The following SCIN variants were observed in gnomAD, a reference collection of about 807,000 sequenced individuals.
SCIN encodes adseverin.
SCIN carries 91 observed loss-of-function variants against 91.8 expected under a neutral mutation model. The observed-to-expected ratio is 0.99, with a 90% confidence interval of 0.84 to 1.18. The LOEUF (loss-of-function observed/expected upper bound fraction) is 1.18. Ranked by LOEUF, SCIN falls within the 50% of genes most tolerant of loss-of-function variation. The pLI is 0.00. For synonymous variants in SCIN, 367 were observed against 312.6 expected (o/e 1.17, Z -1.84); for missense variants, 1,087 against 863.9 (o/e 1.26, Z -3.24).
Position 12,642,229 on chromosome 7 carries a change from C to T in SCIN, c.1581+1712C>T, listed in dbSNP as rs768336999. 2.8e-4 allele frequency among the ~76,000 whole-genome samples: 42 copies of T among 152,150 alleles called. 1 individual carries two copies. In the Middle Eastern group the frequency reaches 0.014, roughly 49 times the overall value. On this transcript the variant is annotated intron_variant, in intron 11 of 15. Coordinates refer to ENST00000297029, the MANE Select transcript of SCIN (RefSeq NM_001112706.3). ...ACCCATCTGGCCACCAACTTCTGTC[C>T]GGATCCTTCCCTCTTTTGCTTTCCT...
intron 3 of SCIN, among the ~76,000 whole-genome samples, chr7:12,583,146 T>A (rs76189809): frequency 0.059 from 8,939 of 152,282 alleles, 359 homozygotes; most frequent in African/African-American, 0.094. Context: ...ATAATGTAAT[T>A]GCTATGTAAA....
At chr7:12,571,345 C>A in intron 1 of SCIN, 1 of 363,028 alleles carries the variant, frequency 2.8e-6, no homozygotes, top group South Asian at 2.7e-5. Flanking sequence ...TCTGGCCAAG[C>A]CCCGCTCACC....
chr7:12,602,251 G>A (rs1782973046), intron 3 of SCIN, among the ~76,000 whole-genome samples: 1 of 152,172 alleles, frequency 6.6e-6, no homozygotes, highest in Non-Finnish European at 1.5e-5. Context: ...TTTCAAAAGG[G>A]GAGGGGGTGC....
chr7:12,643,842 A>C (rs1484700799), intron 11 of SCIN, among the ~76,000 whole-genome samples: 1 of 152,140 alleles, frequency 6.6e-6, no homozygotes, highest in Non-Finnish European at 1.5e-5. Flanking sequence ...CACACATCAC[A>C]CTTGTTTGAC....
At chr7:12,601,168 C>T (rs1438781524) in intron 3 of SCIN, among the ~76,000 whole-genome samples, 1 of 152,034 alleles carries the variant, frequency 6.6e-6, no homozygotes, top group African/African-American at 2.4e-5. Context: ...GTATTTTATT[C>T]TTAAAGAGGA....
In SCIN at chr7:12,642,102, G is replaced by A. The variant is rs1326132344; in HGVS notation, c.1581+1585G>A. Among the ~76,000 whole-genome samples, 5 of 151,016 alleles carry A rather than the reference G, an allele frequency of 3.3e-5. No individual in the cohort carries two copies. The East Asian group carries it at 9.7e-4, about 29-fold the overall frequency. On this transcript the variant is annotated intron_variant, in intron 11 of 15. Transcript: ENST00000297029. ...TATATATACTATTATCCATAAATTA[G>A]CAATAAATAATATATTTGTGTACAG...
At chr7:12,605,762 A>G (rs2115251714) in intron 4 of SCIN, among the ~76,000 whole-genome samples, 1 of 152,316 alleles carries the variant, frequency 6.6e-6, no homozygotes. Context: ...GGAATTAAAT[A>G]CAATCTTATA....
At chr7:12,576,947 T>C (rs1189679235) in intron 1 of SCIN, among the ~76,000 whole-genome samples, 1 of 152,210 alleles carries the variant, frequency 6.6e-6, no homozygotes, top group Non-Finnish European at 1.5e-5. Context: ...AGCTTGGATG[T>C]AGTAAAGAGT....
chr7:12,635,587 G>A (rs553543889), intron 9 of SCIN, among the ~76,000 whole-genome samples: 10 of 126,198 alleles, frequency 7.9e-5, no homozygotes, highest in Admixed American at 2.7e-4. Flanking sequence ...ACTCCAGCCC[G>A]GGCGACAGTG....
chr7:12,644,627 C>G lies in SCIN; in HGVS notation c.1803C>G (p.Thr601=). 6.2e-7 allele frequency: 1 copy of G among 1,606,924 alleles called. No homozygotes were observed. The highest frequency in any genetic ancestry group is 8.5e-7 in the Non-Finnish European group (1 of 1,176,642). Residue 601 remains threonine (T), a synonymous_variant, in exon 13 of 16, where the codon ACC becomes ACG. Coordinates refer to ENST00000297029, the MANE Select transcript of SCIN (RefSeq NM_001112706.3). Reference sequence around the variant, plus strand: ...TTGGAGGGAAAAAAGACTACCAGACCTCACCACTACTGGAAACCCAGGCTG... The same window carrying G: ...TTGGAGGGAAAAAAGACTACCAGACGTCACCACTACTGGAAACCCAGGCTG... ...NSLGGKKDYQ[T]SPLLETQAED... is the part of the protein sequence containing the mutation.
chr7:12,612,364 A>T (rs1038858604), intron 4 of SCIN, among the ~76,000 whole-genome samples: 1 of 152,180 alleles, frequency 6.6e-6, no homozygotes, highest in South Asian at 2.1e-4. Context: ...GGGAGCAAAT[A>T]TATTCGCAAC....
intron 13 of SCIN, among the ~76,000 whole-genome samples, chr7:12,648,938 A>G (rs1205513412): frequency 6.6e-6 from 1 of 152,234 alleles, no homozygotes; most frequent in Non-Finnish European, 1.5e-5. Context: ...GCAGAAACAG[A>G]GAAATTTTAG....
chr7:12,599,087 A>G (rs1333349275), intron 3 of SCIN, among the ~76,000 whole-genome samples: 4 of 152,254 alleles, frequency 2.6e-5, no homozygotes, highest in South Asian at 4.1e-4. Flanking sequence ...AAATAGTGGC[A>G]TAAAATAAGG....
chr7:12,651,798 A>T lies in SCIN; in HGVS notation c.1960-43A>T. 1 of 1,307,880 alleles carries T rather than the reference A, an allele frequency of 7.6e-7. No individual in the cohort carries two copies. The highest frequency in any genetic ancestry group is 1.1e-6 in the Non-Finnish European group (1 of 922,050). 81.0% of individuals were successfully genotyped at this position (1,307,880 alleles called of 1,614,324 possible). A position where few individuals can be genotyped will look rare whatever the true frequency, so the allele number is the denominator to read the frequency against. On this transcript the variant is annotated intron_variant, in intron 14 of 15. Transcript: ENST00000297029. This position sits in a 1 kb window ranked among gnomAD's most constrained non-coding sequence, Gnocchi z 5.9. Reference sequence around the variant, plus strand: ...TTACATAGGGCCTAGCACTGAGTCAACATCCCAGAAATCATACATATTGTT... The same window carrying T: ...TTACATAGGGCCTAGCACTGAGTCATCATCCCAGAAATCATACATATTGTT...
chr7:12,622,972 G>A (rs1053670900), intron 5 of SCIN, 79 bp downstream of exon 5: 37 of 929,888 alleles, frequency 4.0e-5, no homozygotes, highest in South Asian at 1.7e-4. Context: ...CGGGATTCCC[G>A]TTGCTGCAGT....
At position 12,657,554 on chromosome 7, in the gene SCIN, A is replaced by G. The variant is rs1784185166; in HGVS notation, c.*4839A>G. ...TATGTGTGTGTATATATATATATAT[A>G]TATATATATATATATATATTTTTTT... On this transcript the variant is annotated 3_prime_UTR_variant, in exon 16 of 16. Coordinates refer to ENST00000297029, the MANE Select transcript of SCIN (RefSeq NM_001112706.3). 4 of 17,520 alleles carry G rather than the reference A, an allele frequency of 2.3e-4. No individual in the cohort carries two copies. The highest frequency in any genetic ancestry group is 1.7e-3 in the Admixed American group (2 of 1,190). The allele number at this position is 17,520 out of a possible 1,614,324, so 1.1% of individuals were successfully genotyped here. A position where few individuals can be genotyped will look rare whatever the true frequency, so the allele number is the denominator to read the frequency against.
In SCIN at chr7:12,660,035, C is replaced by T. The variant is rs571718828; in HGVS notation, c.*7320C>T. 2.0e-5 allele frequency: 3 copies of T among 152,398 alleles called. No homozygotes were observed. The South Asian group carries it at 6.2e-4, about 32-fold the overall frequency. 9.4% of individuals were successfully genotyped at this position (152,398 alleles called of 1,614,324 possible). On this transcript the variant is annotated 3_prime_UTR_variant, in exon 16 of 16. Transcript: ENST00000297029. The stretch of plus-strand genomic sequence containing the variant: ...AGAATGTACTTTGTGAGATCCACCC[C>T]CTGCCAGCAAAACATTGCTCCTGAC...
intron 3 of SCIN, among the ~76,000 whole-genome samples, chr7:12,598,383 T>C (rs1782885763): frequency 6.6e-6 from 1 of 152,154 alleles, no homozygotes; most frequent in Non-Finnish European, 1.5e-5. Context: ...TACCTCTGAA[T>C]AGAGTAAGTG....
Position 12,591,359 on chromosome 7 carries a change from AGTTTCCT to A in SCIN, c.516+10140_516+10146del, listed in dbSNP as rs1302732853. On this transcript the variant is annotated intron_variant, in intron 3 of 15. Coordinates refer to ENST00000297029, the MANE Select transcript of SCIN (RefSeq NM_001112706.3). ...GACGGTGGTATTCTGGCTGAAAGTT[AGTTTCCT>A]GCTTTCTAGAGCTAAGCTGGCTACC... Among the ~76,000 whole-genome samples, 18 of 152,246 alleles carry A rather than the reference AGTTTCCT, an allele frequency of 1.2e-4. No homozygotes were observed. In the South Asian group the frequency reaches 3.7e-3, roughly 32 times the overall value.
Sources: gnomAD v4.1 joint callset for allele counts (sites outside exome capture counted in the v4.1 genomes callset) on GRCh38, gnomAD v4.1.1 for gene constraint, Gnocchi (gnomAD v3.1) non-coding constraint, MANE v1.5 for transcripts, NCBI Gene and HGNC (gene_info 2026-07-23, HGNC 2026-07-21) for gene names.